Variants in IQSEC3 observed in about 807,000 individuals in gnomAD.
IQSEC3 encodes the protein IQ motif and SEC7 domain-containing protein 3.
Under a neutral mutation model 105.4 loss-of-function variants are expected in IQSEC3, and 50 were observed. The ratio of observed to expected loss-of-function variants is 0.47; its 90% CI spans 0.38 to 0.60. The LOEUF is 0.60. Ranked by LOEUF, IQSEC3 falls within the 20% of genes least tolerant of loss-of-function variation. The probability of loss-of-function intolerance (pLI) is 0.00; values close to 1 mark genes in which losing one functional copy is unlikely to be tolerated. For missense variants in IQSEC3, 1,415 were observed against 1,630.0 expected (o/e 0.87, Z 2.27); for synonymous variants, 708 against 746.0 (o/e 0.95, Z 0.83).
chr12:115,289 G>T (rs921461912), intron 2 of IQSEC3, among the ~76,000 whole-genome samples: 1 of 152,162 alleles, frequency 6.6e-6, no homozygotes, highest in African/African-American at 2.4e-5. Context: ...CCTGGAAATA[G>T]CTCAGGACCC....
chr12:170,569 G>A (rs1555099936), intron 12 of IQSEC3, among the ~76,000 whole-genome samples: 2 of 152,256 alleles, frequency 1.3e-5, no homozygotes, highest in African/African-American at 4.8e-5. Flanking sequence ...CCAATGAGCT[G>A]TCCGTGGGGG....
At chr12:105,583 G>A (rs1864621426) in intron 2 of IQSEC3, among the ~76,000 whole-genome samples, 1 of 152,230 alleles carries the variant, frequency 6.6e-6, no homozygotes, top group Non-Finnish European at 1.5e-5. Context: ...GGAACTGTGT[G>A]ACCTGTCACT....
chr12:173,315 G>A (rs546092648), intron 13 of IQSEC3, among the ~76,000 whole-genome samples: 8 of 152,150 alleles, frequency 5.3e-5, no homozygotes, highest in South Asian at 4.1e-4. Flanking sequence ...AATAAAGCCC[G>A]TGACATGCCG....
chr12:70,975 C>T (rs1351029237), intron 1 of IQSEC3, among the ~76,000 whole-genome samples: 2 of 152,270 alleles, frequency 1.3e-5, no homozygotes, highest in Non-Finnish European at 2.9e-5. Flanking sequence ...TTCTACCTCT[C>T]CCCCAAACAC....
intron 2 of IQSEC3, among the ~76,000 whole-genome samples, chr12:112,283 G>A (rs1262325106): frequency 1.3e-5 from 2 of 151,198 alleles, no homozygotes; most frequent in Non-Finnish European, 2.9e-5. Flanking sequence ...GGGCAACTAA[G>A]GAGTGGGGAA....
In IQSEC3 at chr12:104,946, G is replaced by A. The variant is rs567213259; in HGVS notation, c.623+5732G>A. On this transcript the variant is annotated intron_variant, in intron 2 of 13. Transcript: ENST00000538872. ...GTTACGTCTTCAAACAGCTGGGCTG[G>A]GGCGCCGCGGCCTCACGTGCCTGCT... is the stretch of plus-strand genomic sequence containing the variant. 4.6e-5 allele frequency among the ~76,000 whole-genome samples: 7 copies of A among 152,396 alleles called. No homozygotes were observed. The South Asian group carries it at 6.2e-4, about 14-fold the overall frequency.
At chr12:75,324 G>C (rs1414221051) in intron 1 of IQSEC3, among the ~76,000 whole-genome samples, 1 of 152,196 alleles carries the variant, frequency 6.6e-6, no homozygotes, top group Admixed American at 6.5e-5. Context: ...TGTATTTTTA[G>C]CTCAACTAAA....
chr12:117,328 C>T (rs948368652), intron 2 of IQSEC3, among the ~76,000 whole-genome samples: 16 of 152,194 alleles, frequency 1.1e-4, no homozygotes, highest in Admixed American at 3.9e-4. Context: ...GGATGTTCTT[C>T]GAGCTTGAAA....
At chr12:155,917 C>T (rs12229319) in intron 5 of IQSEC3, among the ~76,000 whole-genome samples, 33,400 of 152,016 alleles carry the variant, frequency 0.22, 3,911 homozygotes, top group East Asian at 0.33. Flanking sequence ...CAATCTAACG[C>T]GCTTGGTCTG....
intron 3 of IQSEC3, among the ~76,000 whole-genome samples, chr12:135,425 T>C (rs1003042166): frequency 2.0e-5 from 3 of 152,228 alleles, no homozygotes; most frequent in Non-Finnish European, 2.9e-5. Context: ...CATGAGGTCA[T>C]ACCTAGTAAA....
At chr12:85,895 G>A (rs1863901671) in intron 1 of IQSEC3, among the ~76,000 whole-genome samples, 1 of 152,178 alleles carries the variant, frequency 6.6e-6, no homozygotes, top group African/African-American at 2.4e-5. Flanking sequence ...GCATGTGCAT[G>A]TTTCATATAT....
intron 1 of IQSEC3, among the ~76,000 whole-genome samples, chr12:85,997 A>G (rs1344660062): frequency 6.6e-6 from 1 of 152,222 alleles, no homozygotes; most frequent in East Asian, 1.9e-4. Context: ...GCTCTAAGCC[A>G]TGTGCCAGGC....
chr12:165,899 A>G lies in IQSEC3; in HGVS notation c.2971+9A>G, dbSNP rs2291922. ...GCAGATCCGAATAGAGTGTAAGGAC[A>G]CGGGCTCCCGAGGCAGCTGGTGGGG... On this transcript the variant is annotated intron_variant, in intron 11 of 13. Coordinates refer to ENST00000538872, the MANE Select transcript of IQSEC3 (RefSeq NM_001170738.2). The G allele has an allele frequency of 0.31, 500,363 of 1,609,306 alleles. 79,876 individuals carry two copies. Among genetic ancestry groups the G allele is most frequent in the East Asian group, 0.35 (15,515 of 44,760 alleles).
chr12:98,113 A>T (rs147596580), intron 1 of IQSEC3, among the ~76,000 whole-genome samples: 122 of 152,330 alleles, frequency 8.0e-4, no homozygotes, highest in African/African-American at 2.8e-3. Flanking sequence ...TCCAGGTTTG[A>T]CATTCTCTGA....
rs564741148 is a variant in IQSEC3, at chr12:163,541, C to A, written c.2631C>A (p.Phe877Leu). The change falls in exon 9 of 14, where the codon TTC (phenylalanine) becomes TTA (leucine). Residue 877 changes from phenylalanine to leucine, a missense_variant. Transcript: ENST00000538872. ...HRRLVCCSRL[F>L]EVTDVNKLQK... ...GCCTGGTGTGCTGCAGCCGGCTCTTCGAGGTGACGGATGTGAACAAGCTGC... is the reference window on the plus strand; with the variant it reads ...GCCTGGTGTGCTGCAGCCGGCTCTTAGAGGTGACGGATGTGAACAAGCTGC... The A allele has an allele frequency of 6.2e-7, 1 of 1,611,880 alleles. No homozygotes were observed. The highest frequency in any genetic ancestry group is 2.2e-5 in the East Asian group (1 of 44,784).
At chr12:75,361 T>C (rs1555068726) in intron 1 of IQSEC3, among the ~76,000 whole-genome samples, 1 of 152,154 alleles carries the variant, frequency 6.6e-6, no homozygotes, top group Non-Finnish European at 1.5e-5. Flanking sequence ...AATTGCCTTG[T>C]TTGGCTCTGG....
intron 2 of IQSEC3, among the ~76,000 whole-genome samples, 183 bp from the exon 3 acceptor site, chr12:125,450 C>T (rs146764829): frequency 1.8e-3 from 276 of 152,196 alleles, no homozygotes; most frequent in Non-Finnish European, 3.2e-3. Flanking sequence ...GGTTCTTCTC[C>T]GTGCCCAGGG....
chr12:136,077 T>G (rs1865755206), intron 3 of IQSEC3, among the ~76,000 whole-genome samples: 1 of 152,256 alleles, frequency 6.6e-6, no homozygotes, highest in Admixed American at 6.5e-5. Flanking sequence ...AATAGGGGGA[T>G]TGTGATAGCA....
chr12:119,269 CT>C (rs1865144002), intron 2 of IQSEC3, among the ~76,000 whole-genome samples: 2 of 152,274 alleles, frequency 1.3e-5, no homozygotes, highest in South Asian at 2.1e-4. Flanking sequence ...GACCAGAGAG[CT>C]GCCTATATCC....
Sources: gnomAD v4.1 joint callset for allele counts (sites outside exome capture counted in the v4.1 genomes callset) on GRCh38, gnomAD v4.1.1 for gene constraint, MANE v1.5 for transcripts, NCBI Gene and HGNC (gene_info 2026-07-23, HGNC 2026-07-21) for gene names.